ZNF704: variants seen among roughly 807,000 people sequenced by gnomAD.
ZNF704 encodes the protein glucocorticoid induced gene 1.
Under a neutral mutation model 44.7 loss-of-function variants are expected in ZNF704, and 10 were observed. The observed-to-expected ratio is 0.22, with a 90% confidence interval of 0.14 to 0.38. ZNF704 has a LOEUF of 0.38. ZNF704 is among the 10% of genes least tolerant of loss of function. The probability of loss-of-function intolerance (pLI) is 1.00; values close to 1 mark genes in which losing one functional copy is unlikely to be tolerated. For missense variants in ZNF704, 390 were observed against 545.5 expected (o/e 0.71, Z 2.84); for synonymous variants, 211 against 207.6 (o/e 1.02, Z -0.14).
rs546408635 is a variant in ZNF704 at position 80,733,727 on chromosome 8, G to A, written c.222-40620C>T. ...TCTTCCAGGACCATAAGATATCTGA[G>A]TGGAAAAGTGGCCCTACATGGCAGA... is the stretch of plus-strand genomic sequence containing the variant. On this transcript the variant is annotated intron_variant, in intron 2 of 8. Coordinates refer to ENST00000327835, the MANE Select transcript of ZNF704 (RefSeq NM_001033723.3). 3.5e-4 allele frequency among the ~76,000 whole-genome samples: 54 copies of A among 152,274 alleles called. 2 individuals are homozygous for A. Among genetic ancestry groups the A allele is most frequent in the Non-Finnish European group, 4.4e-5 (3 of 68,026 alleles).
chr8:80,879,240 A>AT (rs34086990), upstream of ZNF704, among the ~76,000 whole-genome samples: 140,885 of 146,506 alleles, frequency 0.96, 67,728 homozygotes, highest in Middle Eastern at 0.97. Context: ...ATGCATGTCA[A>AT]TTTTTTTTTT....
At chr8:80,860,506 G>A (rs111712130) in intron 1 of ZNF704, among the ~76,000 whole-genome samples, 242 of 152,242 alleles carry the variant, frequency 1.6e-3, no homozygotes, top group African/African-American at 5.2e-3. Context: ...TGTTGTTTTA[G>A]GGTATTGTTT....
intron 2 of ZNF704, among the ~76,000 whole-genome samples, chr8:80,815,795 T>C (rs1050703722): frequency 1.3e-5 from 2 of 152,224 alleles, no homozygotes; most frequent in African/African-American, 4.8e-5. Flanking sequence ...CATTTGTCAA[T>C]TTTTTGGAAG....
intron 2 of ZNF704, among the ~76,000 whole-genome samples, chr8:80,701,943 T>C (rs1396458846): frequency 6.6e-6 from 1 of 151,928 alleles, no homozygotes; most frequent in Admixed American, 6.5e-5. Flanking sequence ...AAGGGAAACA[T>C]GGTTCTTTGA....
rs1283105124 is a variant in ZNF704 at position 80,874,251 on chromosome 8, C to G, written c.-22+320G>C. Among the ~76,000 whole-genome samples, 1 of 144,528 alleles carries G rather than the reference C, an allele frequency of 6.9e-6. No homozygotes were observed. The highest frequency in any genetic ancestry group is 6.8e-5 in the Admixed American group (1 of 14,656). 94.8% of individuals were successfully genotyped at this position (144,528 alleles called of 152,430 possible). A position where few individuals can be genotyped will look rare whatever the true frequency, so the allele number is the denominator to read the frequency against. On this transcript the variant is annotated intron_variant, in intron 1 of 8. Transcript: ENST00000327835. This position sits in a 1 kb window ranked among gnomAD's most constrained non-coding sequence, Gnocchi z 4.4. ...ACCGGCCGGCGGGGACGCCGGCGGCCGGCGGCTACGGCGGGGCGGCGCGGC... is the reference window on the plus strand; with the variant it reads ...ACCGGCCGGCGGGGACGCCGGCGGCGGGCGGCTACGGCGGGGCGGCGCGGC...
intron 2 of ZNF704, among the ~76,000 whole-genome samples, chr8:80,756,051 G>A (rs1807029232): frequency 6.6e-6 from 1 of 151,918 alleles, no homozygotes; most frequent in Non-Finnish European, 1.5e-5. Context: ...CAAGGCTGCA[G>A]TGAGAAGTGA....
chr8:80,811,895 G>A (rs533758615), intron 2 of ZNF704, among the ~76,000 whole-genome samples: 6 of 152,196 alleles, frequency 3.9e-5, no homozygotes, highest in Non-Finnish European at 8.8e-5. Context: ...CAGATCAGTG[G>A]TGGCATTAGA....
intron 2 of ZNF704, among the ~76,000 whole-genome samples, chr8:80,727,120 A>G (rs1046274925): frequency 6.6e-6 from 1 of 152,212 alleles, no homozygotes; most frequent in African/African-American, 2.4e-5. Flanking sequence ...ATACAAACTT[A>G]GGTTGCCTGA....
intron 2 of ZNF704, among the ~76,000 whole-genome samples, chr8:80,804,248 T>C (rs911186980): frequency 5.9e-5 from 9 of 152,138 alleles, no homozygotes; most frequent in African/African-American, 2.2e-4. Context: ...AGTTAAACCA[T>C]GGTGGAAGAC....
intron 5 of ZNF704, among the ~76,000 whole-genome samples, chr8:80,666,985 C>T (rs1353822413): frequency 6.6e-6 from 1 of 152,054 alleles, no homozygotes; most frequent in Admixed American, 6.6e-5. Context: ...TCCCATTTGT[C>T]AATTTTGTCT....
At chr8:80,852,012 G>A (rs1165725606) in intron 1 of ZNF704, among the ~76,000 whole-genome samples, 1 of 152,162 alleles carries the variant, frequency 6.6e-6, no homozygotes, top group African/African-American at 2.4e-5. Context: ...CATACAAAGG[G>A]TGGAACGAAC....
At chr8:80,673,124 T>C (rs1255772637) in intron 4 of ZNF704, 1 of 152,220 alleles carries the variant, frequency 6.6e-6, no homozygotes, top group African/African-American at 2.4e-5. Flanking sequence ...TCACAGGTGG[T>C]GCTAACATTA....
chr8:80,695,342 C>T (rs61039155), intron 2 of ZNF704, among the ~76,000 whole-genome samples: 8,130 of 152,300 alleles, frequency 0.053, 744 homozygotes, highest in African/African-American at 0.18. Context: ...GCCCACATCT[C>T]TTCCAAGACT....
chr8:80,663,224 T>C (rs1283660754), intron 6 of ZNF704, among the ~76,000 whole-genome samples: 2 of 151,628 alleles, frequency 1.3e-5, no homozygotes, highest in African/African-American at 4.8e-5. Context: ...TACAAAAAAT[T>C]TAAAAAATTA....
chr8:80,681,680 C>T (rs368638321), intron 4 of ZNF704, among the ~76,000 whole-genome samples: 3 of 152,138 alleles, frequency 2.0e-5, no homozygotes, highest in African/African-American at 4.8e-5. Flanking sequence ...AACAACAAAA[C>T]GATTTCTGAA....
intron 1 of ZNF704, among the ~76,000 whole-genome samples, chr8:80,855,170 A>G (rs551321827): frequency 6.6e-6 from 1 of 152,370 alleles, no homozygotes; most frequent in South Asian, 2.1e-4. Flanking sequence ...GTACAAAGTA[A>G]GCACTACATG....
At chr8:80,735,919 AC>A (rs1300790107) in intron 2 of ZNF704, among the ~76,000 whole-genome samples, 3 of 152,240 alleles carry the variant, frequency 2.0e-5, no homozygotes, top group Non-Finnish European at 4.4e-5. Flanking sequence ...TGTATGCTTT[AC>A]AAAGAGAAAG....
At chr8:80,838,620 G>A (rs948259595) in intron 1 of ZNF704, among the ~76,000 whole-genome samples, 2 of 151,158 alleles carry the variant, frequency 1.3e-5, no homozygotes, top group Non-Finnish European at 3.0e-5. Flanking sequence ...AGCAGACCCT[G>A]GAGGAGGAGG....
intron 1 of ZNF704, among the ~76,000 whole-genome samples, chr8:80,857,748 AC>A (rs1438949044): frequency 6.6e-6 from 1 of 152,200 alleles, no homozygotes; most frequent in African/African-American, 2.4e-5. Context: ...TTGGAAGGAT[AC>A]CATCTTACTT....
Sources: allele counts gnomAD v4.1 joint callset (sites outside exome capture counted in the v4.1 genomes callset), GRCh38; gene constraint gnomAD v4.1.1; non-coding constraint Gnocchi (gnomAD v3.1); transcripts MANE v1.5; gene names NCBI Gene and HGNC (gene_info 2026-07-23, HGNC 2026-07-21).